The following LYPD5 variants were observed in gnomAD, a reference collection of about 807,000 sequenced individuals.
The protein encoded by LYPD5 is ly6/PLAUR domain-containing protein 5.
In LYPD5, 21 loss-of-function variants were observed where a neutral mutation model predicts 19.1. The ratio of observed to expected loss-of-function variants is 1.10; its 90% CI spans 0.78 to 1.58. The LOEUF is 1.58. Ranked by LOEUF, LYPD5 falls within the 40% of genes most tolerant of loss-of-function variation. The pLI, the probability that LYPD5 is intolerant of heterozygous loss-of-function variation, is 0.00. For missense variants in LYPD5, 287 were observed against 329.8 expected (o/e 0.87, Z 1.00); for synonymous variants, 128 against 142.7 (o/e 0.90, Z 0.74).
Position 43,799,801 on chromosome 19 carries a change from T to G in LYPD5, c.98A>C (p.His33Pro). ...GAGGTCAAAGGGGCCAAAGTAGGTG[T>G]GCTCAAAGCTGTAGCACTGCAGGGC... ...SQALQCYSFE[H>P]TYFGPFDLRA... is the part of the protein sequence containing the mutation. Residue 33 changes from histidine to proline, a missense_variant, in exon 2 of 5, where the codon CAC (histidine) becomes CCC (proline). His to Pro is a moderately conservative substitution (Grantham distance 77, BLOSUM62 -2). Transcript: ENST00000377950. 1 of 1,613,564 alleles carries G rather than the reference T, an allele frequency of 6.2e-7. No individual in the cohort carries two copies. Among genetic ancestry groups the G allele is most frequent in the Non-Finnish European group, 8.5e-7 (1 of 1,179,822 alleles).
upstream of LYPD5, among the ~76,000 whole-genome samples, chr19:43,805,995 C>G (rs1254835348): frequency 1.3e-5 from 2 of 152,198 alleles, no homozygotes; most frequent in African/African-American, 4.8e-5. Context: ...TTTCTTCTAT[C>G]CCTCCTCCCC....
At position 43,797,444 on chromosome 19, in the gene LYPD5, G is replaced by T; in HGVS notation, c.*147C>A. ...TTCCAGTACTGTTGGCCAGGTTGTGGGGCACAAGGGCGGGAGAGATGGAAG... is the reference window on the plus strand; with the variant it reads ...TTCCAGTACTGTTGGCCAGGTTGTGTGGCACAAGGGCGGGAGAGATGGAAG... On this transcript the variant is annotated 3_prime_UTR_variant, in exon 5 of 5. Coordinates refer to ENST00000377950, the MANE Select transcript of LYPD5 (RefSeq NM_001031749.3). 1.4e-6 allele frequency: 1 copy of T among 705,834 alleles called. No homozygotes were observed. The highest frequency in any genetic ancestry group is 2.4e-6 in the Non-Finnish European group (1 of 422,202). 43.7% of individuals were successfully genotyped at this position (705,834 alleles called of 1,614,324 possible).
intron 1 of LYPD5, among the ~76,000 whole-genome samples, chr19:43,811,230 T>C (rs1423133777): frequency 6.6e-6 from 1 of 152,070 alleles, no homozygotes; most frequent in Non-Finnish European, 1.5e-5. Flanking sequence ...ATCCCAGCAT[T>C]TGGGAGGTTG....
intron 1 of LYPD5, among the ~76,000 whole-genome samples, chr19:43,812,426 A>G (rs1001354372): frequency 6.6e-6 from 1 of 151,688 alleles, no homozygotes; most frequent in Non-Finnish European, 1.5e-5. Context: ...CATCATTATC[A>G]TCTTTATCAT....
intron 1 of LYPD5, among the ~76,000 whole-genome samples, chr19:43,801,810 C>G (rs1659055835): frequency 2.0e-5 from 3 of 152,220 alleles, no homozygotes; most frequent in Admixed American, 2.0e-4. Context: ...GGAATAGCCT[C>G]CTTTCTACAT....
chr19:43,798,351 GCAGGGC>G, intron 4 of LYPD5, 98 bp downstream of exon 4: 1 of 1,239,438 alleles, frequency 8.1e-7, no homozygotes, highest in South Asian at 1.4e-5. Context: ...CCACCTCAGA[GCAGGGC>G]CATGTCTCCC....
At chr19:43,819,310 A>T in intron 1 of LYPD5, among the ~76,000 whole-genome samples, 3 of 80,450 alleles carry the variant, frequency 3.7e-5, no homozygotes, top group Admixed American at 1.7e-4. Flanking sequence ...TTTGAGATGG[A>T]GTTTGCTCTT....
upstream of LYPD5, chr19:43,802,562 C>CGACCA: frequency 2.5e-6 from 1 of 394,488 alleles, no homozygotes; most frequent in South Asian, 3.0e-5. Flanking sequence ...TCCTCAGTTG[C>CGACCA]TGGAGATCTA....
chr19:43,811,682 A>G (rs1008575958), intron 1 of LYPD5, among the ~76,000 whole-genome samples: 1 of 148,208 alleles, frequency 6.7e-6, no homozygotes, highest in African/African-American at 2.5e-5. Context: ...GGAGAAAGAA[A>G]GAAAGAAAGA....
chr19:43,812,335 T>TTCTATCTATCTA (rs61040752), intron 1 of LYPD5, among the ~76,000 whole-genome samples: 11,600 of 143,274 alleles, frequency 0.081, 522 homozygotes, highest in East Asian at 0.14. Context: ...TGGTTATTTT[T>TTCTATCTATCTA]TCTATCTATC....
upstream of LYPD5, among the ~76,000 whole-genome samples, chr19:43,806,314 A>T (rs1970269947): frequency 6.6e-6 from 1 of 152,134 alleles, no homozygotes; most frequent in African/African-American, 2.4e-5. Flanking sequence ...ATAATGCCTG[A>T]TGATCTGTCA....
upstream of LYPD5, among the ~76,000 whole-genome samples, chr19:43,806,988 A>C (rs964830661): frequency 3.3e-5 from 5 of 152,224 alleles, no homozygotes; most frequent in Non-Finnish European, 7.3e-5. Context: ...TCCCGAAGGT[A>C]TAACCATGTT....
At chr19:43,806,111 G>T (rs1314695958), upstream of LYPD5, among the ~76,000 whole-genome samples, 1 of 152,118 alleles carries the variant, frequency 6.6e-6, no homozygotes, top group African/African-American at 2.4e-5. Context: ...TTAGGAACGG[G>T]GCCGCACAGC....
chr19:43,814,438 G>T (rs751693591), intron 1 of LYPD5, among the ~76,000 whole-genome samples: 1 of 152,182 alleles, frequency 6.6e-6, no homozygotes, highest in Non-Finnish European at 1.5e-5. Context: ...AGGCTGCAGT[G>T]TGCTATGATC....
intron 1 of LYPD5, among the ~76,000 whole-genome samples, chr19:43,807,782 T>G (rs900740360): frequency 6.6e-6 from 1 of 152,164 alleles, no homozygotes; most frequent in Non-Finnish European, 1.5e-5. Context: ...AAGGGTTCAG[T>G]GCACCCCAGG....
rs560659624 is a variant in LYPD5 at position 43,819,283 on chromosome 19, C to CTTTTT, written c.-66+1252_-66+1256dup. 1.1e-3 allele frequency among the ~76,000 whole-genome samples: 122 copies of CTTTTT among 110,498 alleles called. 1 individual carries two copies. The highest frequency in any genetic ancestry group is 1.9e-3 in the African/African-American group (57 of 29,448). 72.5% of individuals were successfully genotyped at this position (110,498 alleles called of 152,430 possible). A position where few individuals can be genotyped will look rare whatever the true frequency, so the allele number is the denominator to read the frequency against. On this transcript the variant is annotated intron_variant, in intron 1 of 4. Coordinates refer to the LYPD5 transcript ENST00000414615. ...TCATTTTTCCCTTCTTCTTCTTCTT[C>CTTTTT]TTTTTTTTTTTTTTTTTTTGAGATG...
upstream of LYPD5, among the ~76,000 whole-genome samples, chr19:43,803,665 A>G (rs796071158): frequency 3.9e-5 from 6 of 152,312 alleles, 1 homozygote; most frequent in South Asian, 2.1e-4. Context: ...AAACTTGTAC[A>G]GTCATCCCTC....
intron 1 of LYPD5, among the ~76,000 whole-genome samples, chr19:43,813,364 C>T (rs1403534985): frequency 6.6e-6 from 1 of 152,242 alleles, no homozygotes; most frequent in African/African-American, 2.4e-5. Context: ...CCCCCTTCGT[C>T]TTCCACCATG....
At chr19:43,812,652 C>G (rs111618306) in intron 1 of LYPD5, among the ~76,000 whole-genome samples, 1,958 of 152,240 alleles carry the variant, frequency 0.013, 38 homozygotes, top group African/African-American at 0.045. Flanking sequence ...AAAGAACATG[C>G]AGGGAAGACC....
Sources: allele counts gnomAD v4.1 joint callset (sites outside exome capture counted in the v4.1 genomes callset), GRCh38; gene constraint gnomAD v4.1.1; transcripts MANE v1.5; gene names NCBI Gene and HGNC (gene_info 2026-07-23, HGNC 2026-07-21).